The following TCF7L1 variants were observed in gnomAD, a reference collection of about 807,000 sequenced individuals.
TCF7L1 encodes the protein transcription factor 7-like 1.
Under a neutral mutation model 63.7 loss-of-function variants are expected in TCF7L1, and 18 were observed. That is an observed-to-expected ratio of 0.28 (90% confidence interval 0.20 to 0.42). The LOEUF is 0.42. Ranked by LOEUF, TCF7L1 falls within the 10% of genes least tolerant of loss-of-function variation. TCF7L1 has a pLI of 1.00. For synonymous variants in TCF7L1, 355 were observed against 340.9 expected (o/e 1.04, Z -0.46); for missense variants, 654 against 779.3 (o/e 0.84, Z 1.91).
chr2:85,300,766 ATC>A (rs1324841585), intron 4 of TCF7L1, among the ~76,000 whole-genome samples: 1 of 151,732 alleles, frequency 6.6e-6, no homozygotes, highest in Non-Finnish European at 1.5e-5. Flanking sequence ...CCTCCAAATC[ATC>A]TTTTTTACAA....
At chr2:85,257,877 G>A (rs1680757412) in intron 3 of TCF7L1, among the ~76,000 whole-genome samples, 2 of 152,264 alleles carry the variant, frequency 1.3e-5, no homozygotes, top group Admixed American at 6.5e-5. Context: ...GGTTCCTTCC[G>A]GCTCTTGATT....
At chr2:85,135,237 G>A in intron 3 of TCF7L1, among the ~76,000 whole-genome samples, 1 of 151,976 alleles carries the variant, frequency 6.6e-6, no homozygotes, top group Non-Finnish European at 1.5e-5. Context: ...CTAAACTCCC[G>A]CCCCCCGCGT....
At chr2:85,196,393 C>A (rs910318283) in intron 3 of TCF7L1, among the ~76,000 whole-genome samples, 2 of 152,220 alleles carry the variant, frequency 1.3e-5, no homozygotes, top group African/African-American at 4.8e-5. Context: ...CTGCACCCAG[C>A]ACATGTTATT....
chr2:85,231,081 C>T (rs150673160), intron 3 of TCF7L1, among the ~76,000 whole-genome samples: 39 of 152,266 alleles, frequency 2.6e-4, no homozygotes, highest in African/African-American at 9.1e-4. Context: ...GGAACATCTG[C>T]AAGTATCTTG....
chr2:85,174,767 C>T (rs144299975), intron 3 of TCF7L1, among the ~76,000 whole-genome samples: 4 of 152,326 alleles, frequency 2.6e-5, no homozygotes, highest in East Asian at 1.9e-4. Flanking sequence ...CTGGTTTCTT[C>T]GCAGTCTATG....
chr2:85,284,389 A>G (rs1040873021), intron 4 of TCF7L1, among the ~76,000 whole-genome samples: 1 of 152,224 alleles, frequency 6.6e-6, no homozygotes, highest in Non-Finnish European at 1.5e-5. Context: ...AGGGCAGCCG[A>G]GCCTCTTCTG....
chr2:85,182,116 G>A (rs147597376), intron 3 of TCF7L1, among the ~76,000 whole-genome samples: 2,353 of 152,240 alleles, frequency 0.015, 30 homozygotes, highest in Non-Finnish European at 0.022. Context: ...GTGGGATTTC[G>A]GTTGGAGAGG....
chr2:85,200,028 T>TC (rs1260325316), intron 3 of TCF7L1, among the ~76,000 whole-genome samples: 9 of 152,372 alleles, frequency 5.9e-5, no homozygotes, highest in South Asian at 2.1e-4. Flanking sequence ...CCAGCTTTTT[T>TC]CACTTAGTCT....
At chr2:85,216,040 T>C (rs1460606661) in intron 3 of TCF7L1, among the ~76,000 whole-genome samples, 1 of 152,004 alleles carries the variant, frequency 6.6e-6, no homozygotes, top group Non-Finnish European at 1.5e-5. Context: ...CCCTTTCTCC[T>C]CTTGTGGTGA....
At chr2:85,200,068 C>T (rs1303487848) in intron 3 of TCF7L1, among the ~76,000 whole-genome samples, 2 of 152,208 alleles carry the variant, frequency 1.3e-5, no homozygotes, top group Non-Finnish European at 2.9e-5. Context: ...TATATTGTAG[C>T]GTGTATCTGT....
At chr2:85,135,290 C>G (rs1046073411) in intron 3 of TCF7L1, among the ~76,000 whole-genome samples, 4 of 152,160 alleles carry the variant, frequency 2.6e-5, no homozygotes, top group Admixed American at 1.3e-4. Flanking sequence ...TTTGTGTCCC[C>G]CAAGCCGCCA....
intron 3 of TCF7L1, among the ~76,000 whole-genome samples, chr2:85,174,263 C>G (rs1678625619): frequency 6.6e-6 from 1 of 152,258 alleles, no homozygotes; most frequent in Admixed American, 6.5e-5. Flanking sequence ...GTGTCTTTCA[C>G]TTAGCCTGGT....
intron 3 of TCF7L1, among the ~76,000 whole-genome samples, chr2:85,272,319 A>C (rs1036372207): frequency 1.3e-5 from 2 of 152,232 alleles, no homozygotes; most frequent in Non-Finnish European, 2.9e-5. Flanking sequence ...TACTGTTGCT[A>C]TGATATAAGA....
At chr2:85,162,520 TG>T (rs374285410) in intron 3 of TCF7L1, among the ~76,000 whole-genome samples, 206 of 152,314 alleles carry the variant, frequency 1.4e-3, no homozygotes, top group African/African-American at 4.6e-3. Flanking sequence ...TCTTGGTCTG[TG>T]AAGACGTATT....
chr2:85,201,029 T>C (rs1296164093), intron 3 of TCF7L1, among the ~76,000 whole-genome samples: 1 of 152,258 alleles, frequency 6.6e-6, no homozygotes, highest in South Asian at 2.1e-4. Flanking sequence ...GGTGAAACCC[T>C]GTCTCTACTA....
intron 3 of TCF7L1, among the ~76,000 whole-genome samples, chr2:85,169,315 G>A (rs1229497089): frequency 1.3e-5 from 2 of 150,908 alleles, no homozygotes; most frequent in Non-Finnish European, 2.9e-5. Flanking sequence ...CATTGGCTTT[G>A]ATGACCTGAA....
intron 4 of TCF7L1, among the ~76,000 whole-genome samples, chr2:85,286,914 G>T (rs894425341): frequency 6.6e-6 from 1 of 152,116 alleles, no homozygotes; most frequent in African/African-American, 2.4e-5. Flanking sequence ...CTCTAGCCTG[G>T]GTGACAGAGT....
chr2:85,161,649 T>G (rs951091935), intron 3 of TCF7L1, among the ~76,000 whole-genome samples: 12 of 152,154 alleles, frequency 7.9e-5, no homozygotes, highest in Non-Finnish European at 8.8e-5. Flanking sequence ...AGCACAGAAG[T>G]CCCTGTTTCT....
At chr2:85,156,408 C>T (rs756143931) in intron 3 of TCF7L1, among the ~76,000 whole-genome samples, 1 of 151,856 alleles carries the variant, frequency 6.6e-6, no homozygotes, top group East Asian at 1.9e-4. Flanking sequence ...GTGCTCAAGG[C>T]GAGTGTTCAG....
Sources: allele counts gnomAD v4.1 joint callset (sites outside exome capture counted in the v4.1 genomes callset), GRCh38; gene constraint gnomAD v4.1.1; transcripts MANE v1.5; gene names NCBI Gene and HGNC (gene_info 2026-07-23, HGNC 2026-07-21).